DIS3: variants seen among roughly 807,000 people sequenced by gnomAD.
The protein encoded by DIS3 is exosome complex exonuclease RRP44.
In DIS3, 103 loss-of-function variants were observed where a neutral mutation model predicts 113.0. That is an observed-to-expected ratio of 0.91 (90% CI 0.78 to 1.07). DIS3 has a LOEUF of 1.07. DIS3 is among the 50% of genes least tolerant of loss of function. The pLI is 0.00. For missense variants in DIS3, 1,121 were observed against 1,167.1 expected, an observed-to-expected ratio of 0.96 and a Z score of 0.58; for synonymous variants, 402 against 394.3, an observed-to-expected ratio of 1.02 and a Z score of -0.23.
At chr13:72,766,160 G>GT in intron 14 of DIS3, 102 bp from the exon 15 acceptor site, 3 of 926,016 alleles carry the variant, frequency 3.2e-6, no homozygotes, top group Non-Finnish European at 4.7e-6. Context: ...CAGCAAGTGT[G>GT]TAATAGTTGC....
In DIS3 at chr13:72,772,153, G is replaced by C. The variant is rs1447217266; in HGVS notation, c.1503+6C>G. ...TTTAGGTAAGAACACTATTACATAT[G>C]AATACCTCCAAATTTCCATTTTCGA... On this transcript the variant is annotated splice_donor_region_variant and intron_variant, in intron 10 of 20. Coordinates refer to ENST00000377767, the MANE Select transcript of DIS3 (RefSeq NM_014953.5). 1 of 1,601,096 alleles carries C rather than the reference G, an allele frequency of 6.2e-7. No homozygotes were observed. The highest frequency in any genetic ancestry group is 8.5e-7 in the Non-Finnish European group (1 of 1,171,086).
rs1327897348 is a variant in DIS3, at chr13:72,759,894, T to TG, written c.2794-17dup. On this transcript the variant is annotated splice_polypyrimidine_tract_variant and intron_variant, in intron 20 of 20. Coordinates refer to ENST00000377767, the MANE Select transcript of DIS3 (RefSeq NM_014953.5). ...TTCCTGGTATCTAAAGTAATGCAAA[T>TG]GGGGGGAAATAAGGTGATTTAAAGG... The TG allele has an allele frequency of 5.0e-6, 8 of 1,591,492 alleles. No homozygotes were observed. The highest frequency in any genetic ancestry group is 2.2e-5 in the East Asian group (1 of 44,720).
chr13:72,769,939 G>A (rs2033845901), intron 13 of DIS3, among the ~76,000 whole-genome samples: 1 of 152,134 alleles, frequency 6.6e-6, no homozygotes, highest in Non-Finnish European at 1.5e-5. Flanking sequence ...GAGAACATAA[G>A]GGATTTTTGG....
At position 72,758,297 on chromosome 13, in the gene DIS3, G is replaced by C. The variant is rs1422398724; in HGVS notation, c.*1498C>G. ...ATCTAGGTTTGTGTAACTACATCAT[G>C]ATTTTCACACAATGATGAAATTGCC... On this transcript the variant is annotated 3_prime_UTR_variant, in exon 21 of 21. Transcript: ENST00000377767. 2.2e-5 allele frequency: 4 copies of C among 181,852 alleles called. No homozygotes were observed. Among genetic ancestry groups the C allele is most frequent in the Non-Finnish European group, 4.7e-5 (4 of 85,302 alleles). The allele number at this position is 181,852 out of a possible 1,614,324, so 11.3% of individuals were successfully genotyped here. A position where few individuals can be genotyped will look rare whatever the true frequency, so the allele number is the denominator to read the frequency against.
At chr13:72,764,933 TACAC>T (rs2033710182) in intron 15 of DIS3, among the ~76,000 whole-genome samples, 1 of 152,102 alleles carries the variant, frequency 6.6e-6, no homozygotes, top group Non-Finnish European at 1.5e-5. Flanking sequence ...TAAACATACT[TACAC>T]AGAAGTTCTA....
chr13:72,763,073 T>C (rs1054771428), intron 16 of DIS3, among the ~76,000 whole-genome samples: 1 of 151,860 alleles, frequency 6.6e-6, no homozygotes, highest in Non-Finnish European at 1.5e-5. Flanking sequence ...CGAGATGAGA[T>C]AATTACTTGA....
chr13:72,772,954 G>A (rs995459775), intron 8 of DIS3, 115 bp from the exon 9 acceptor site: 10 of 1,209,024 alleles, frequency 8.3e-6, no homozygotes, highest in Middle Eastern at 2.5e-4. Flanking sequence ...TTCCCATAAC[G>A]ATTTCTGAAA....
Position 72,781,486 on chromosome 13 carries a change from T to C in DIS3, c.228+119A>G, listed in dbSNP as rs2034219066. The C allele has an allele frequency of 2.2e-5, 31 of 1,428,728 alleles. No individual in the cohort carries two copies. The South Asian group carries it at 4.5e-4, about 21-fold the overall frequency. The allele number at this position is 1,428,728 out of a possible 1,614,324, so 88.5% of individuals were successfully genotyped here. Reference sequence around the variant, plus strand: ...ACAGGAAGCTTCGGTCCCGAGGGGGTTTCCCTTTCGCTAGGTATGTGACAC... The same window carrying C: ...ACAGGAAGCTTCGGTCCCGAGGGGGCTTCCCTTTCGCTAGGTATGTGACAC... On this transcript the variant is annotated intron_variant, in intron 1 of 20. Transcript: ENST00000377767.
chr13:72,770,510 C>G (rs1424675922), intron 13 of DIS3, among the ~76,000 whole-genome samples: 1 of 152,142 alleles, frequency 6.6e-6, no homozygotes, highest in East Asian at 1.9e-4. Flanking sequence ...AGGGCTGGGG[C>G]TGGTTACTTT....
In DIS3 at chr13:72,753,686, T is replaced by A. The variant is rs763410037; in HGVS notation, c.*6109A>T. 6.2e-7 allele frequency: 1 copy of A among 1,604,848 alleles called. No homozygotes were observed. The highest frequency in any genetic ancestry group is 1.1e-5 in the South Asian group (1 of 87,888). On this transcript the variant is annotated 3_prime_UTR_variant, in exon 21 of 21. Transcript: ENST00000377767. ...ATATATTTTTTTCTTTTTTCTCCTG[T>A]CAGATGGATAGTGGCTATAATACGC...
intron 19 of DIS3, 42 bp from the exon 20 acceptor site, chr13:72,760,693 A>G (rs1222795932): frequency 6.3e-7 from 1 of 1,598,272 alleles, no homozygotes; most frequent in African/African-American, 1.3e-5. Flanking sequence ...GCTTCCTTAC[A>G]TTTGAGGCTT....
intron 8 of DIS3, 140 bp downstream of exon 8, chr13:72,773,544 T>A: frequency 1.1e-6 from 1 of 878,014 alleles, no homozygotes; most frequent in South Asian, 2.0e-5. Flanking sequence ...GACATGCTAC[T>A]TACCAGGTCA....
At chr13:72,768,547 G>A (rs1171367600) in intron 14 of DIS3, among the ~76,000 whole-genome samples, 1 of 152,108 alleles carries the variant, frequency 6.6e-6, no homozygotes, top group African/African-American at 2.4e-5. Flanking sequence ...CTACTTGAAC[G>A]ACAGGAGAAT....
chr13:72,761,846 T>C (rs766576458), intron 17 of DIS3, 32 bp from the exon 18 acceptor site: 3 of 1,610,930 alleles, frequency 1.9e-6, no homozygotes, highest in South Asian at 1.1e-5. Context: ...AACCATGGTA[T>C]GTCAGTACTA....
Position 72,756,329 on chromosome 13 carries a change from T to G in DIS3, c.*3466A>C, listed in dbSNP as rs2033472144. The stretch of plus-strand genomic sequence containing the variant: ...GAACACTAATAGCCATTAGGGGACA[T>G]GGCTACAGATACTACATTGGAAAGT... On this transcript the variant is annotated 3_prime_UTR_variant, in exon 21 of 21. Transcript: ENST00000377767. 3 of 167,286 alleles carry G rather than the reference T, an allele frequency of 1.8e-5. No homozygotes were observed. In the South Asian group the frequency reaches 6.1e-4, roughly 34 times the overall value. 10.4% of individuals were successfully genotyped at this position (167,286 alleles called of 1,614,324 possible).
chr13:72,762,193 T>G (rs2138154577), intron 16 of DIS3, 56 bp from the exon 17 acceptor site: 1 of 1,407,956 alleles, frequency 7.1e-7, no homozygotes, highest in Middle Eastern at 1.8e-4. Context: ...GTCAGTACCA[T>G]TATGTCTTCA....
intron 1 of DIS3, 174 bp downstream of exon 1, chr13:72,781,431 A>T: frequency 3.3e-6 from 5 of 1,505,846 alleles, no homozygotes; most frequent in Non-Finnish European, 3.6e-6. Context: ...AATTTTTTAA[A>T]GCACAAGGAA....
At chr13:72,763,823 T>A (rs2033687523) in intron 15 of DIS3, among the ~76,000 whole-genome samples, 1 of 152,214 alleles carries the variant, frequency 6.6e-6, no homozygotes, top group Non-Finnish European at 1.5e-5. Flanking sequence ...AACTACTGCA[T>A]GAGTAAATCT....
Position 72,778,086 on chromosome 13 carries a change from G to A in DIS3, c.580+101C>T, listed in dbSNP as rs1009450736. On this transcript the variant is annotated intron_variant, in intron 3 of 20. Transcript: ENST00000377767. ...ATCACATGAAGTTATATAGGACTAC[G>A]AAAATACTAAATAGTAAAGTGAACA... The A allele has an allele frequency of 4.6e-6, 5 of 1,085,724 alleles. No individual in the cohort carries two copies. In the East Asian group the frequency reaches 7.7e-5, roughly 17 times the overall value. 67.3% of individuals were successfully genotyped at this position (1,085,724 alleles called of 1,614,324 possible).
Sources: allele counts gnomAD v4.1 joint callset (sites outside exome capture counted in the v4.1 genomes callset), GRCh38; gene constraint gnomAD v4.1.1; transcripts MANE v1.5; gene names NCBI Gene and HGNC (gene_info 2026-07-23, HGNC 2026-07-21).